Variants in PRKAR1A observed in about 807,000 individuals in gnomAD.
The protein encoded by PRKAR1A is cAMP-dependent protein kinase type I-alpha regulatory subunit.
Under a neutral mutation model 52.0 loss-of-function variants are expected in PRKAR1A, and 3 were observed. The observed-to-expected ratio is 0.06, with a 90% CI of 0.03 to 0.15. The LOEUF (loss-of-function observed/expected upper bound fraction) is 0.15, where lower values mean the gene tolerates loss of function less well. PRKAR1A is among the 10% of genes least tolerant of loss of function. The pLI is 1.00. For synonymous variants in PRKAR1A, 188 were observed against 168.4 expected (o/e 1.12, Z -0.90); for missense variants, 240 against 477.4 (o/e 0.50, Z 4.63).
chr17:68,544,936 A>G (rs560627086), intron 11 of PRKAR1A, among the ~76,000 whole-genome samples: 2 of 152,342 alleles, frequency 1.3e-5, no homozygotes, highest in East Asian at 3.9e-4. Flanking sequence ...ACTTTAGATC[A>G]GTGCTTCTCA....
At position 68,523,995 on chromosome 17, in the gene PRKAR1A, G is replaced by T. The variant is rs376379345; in HGVS notation, c.441-21G>T. ...GGAAGAGACATGTGAAATGTAACAC[G>T]AGGCCTTCTCTCTTTTGCAGTGATA... On this transcript the variant is annotated intron_variant, in intron 4 of 10. Coordinates refer to ENST00000589228, the MANE Select transcript of PRKAR1A (RefSeq NM_002734.5). 2.8e-5 allele frequency: 45 copies of T among 1,613,342 alleles called. No homozygotes were observed. The African/African-American group carries it at 3.9e-4, about 14-fold the overall frequency.
At chr17:68,515,310 G>A in intron 1 of PRKAR1A, 84 bp from the exon 2 acceptor site, 1 of 1,491,324 alleles carries the variant, frequency 6.7e-7, no homozygotes, top group South Asian at 1.2e-5. Flanking sequence ...TGAATCAGTT[G>A]TCTAATGAAT....
At chr17:68,471,590 C>T in the PRKAR1A span, among the ~76,000 whole-genome samples, 69 of 152,186 alleles carry the variant, frequency 4.5e-4, no homozygotes, top group Admixed American at 1.4e-3. Flanking sequence ...CTTTCCGTTC[C>T]GTCTCTCTCT....
At chr17:68,462,402 G>A in the PRKAR1A span, among the ~76,000 whole-genome samples, 1 of 152,174 alleles carries the variant, frequency 6.6e-6, no homozygotes, top group East Asian at 1.9e-4. Context: ...TCTTCGCACT[G>A]GTCAAGAACA....
chr17:68,443,967 T>C, the PRKAR1A span, among the ~76,000 whole-genome samples: 1 of 152,214 alleles, frequency 6.6e-6, no homozygotes, highest in Non-Finnish European at 1.5e-5. Flanking sequence ...CAGGAATGTA[T>C]TAAATAGTGT....
In PRKAR1A at chr17:68,524,815, CA is replaced by C. The variant is rs1213775935; in HGVS notation, c.503-96del. 14 of 932,126 alleles carry C rather than the reference CA, an allele frequency of 1.5e-5. No individual in the cohort carries two copies. In the Admixed American group the frequency reaches 1.5e-4, roughly 10 times the overall value. 57.7% of individuals were successfully genotyped at this position (932,126 alleles called of 1,614,324 possible). The stretch of plus-strand genomic sequence containing the variant: ...TGTGTTAGTTTGTAACACACTCTCA[CA>C]GTACCACTGTAAAATAAGTTTATTG... On this transcript the variant is annotated intron_variant, in intron 5 of 10. Transcript: ENST00000589228.
chr17:68,550,527 C>G (rs916499447), intron 11 of PRKAR1A, among the ~76,000 whole-genome samples: 1 of 151,946 alleles, frequency 6.6e-6, no homozygotes, highest in Admixed American at 6.6e-5. Flanking sequence ...ACTGCATACA[C>G]GCACCACCAT....
chr17:68,474,161 T>C, the PRKAR1A span, among the ~76,000 whole-genome samples: 14 of 152,238 alleles, frequency 9.2e-5, no homozygotes, highest in African/African-American at 3.4e-4. Context: ...TTCATGTGTA[T>C]TATACATAGC....
At chr17:68,462,710 G>A in the PRKAR1A span, among the ~76,000 whole-genome samples, 26 of 152,134 alleles carry the variant, frequency 1.7e-4, no homozygotes, top group Non-Finnish European at 2.6e-4. Context: ...TGCCTGTCAC[G>A]CTGTCTCTTG....
chr17:68,548,923 G>A (rs562063258), intron 11 of PRKAR1A, among the ~76,000 whole-genome samples: 9 of 151,542 alleles, frequency 5.9e-5, no homozygotes, highest in East Asian at 2.0e-4. Context: ...TAGTAGAGAC[G>A]GGGTTTCACC....
the PRKAR1A span, among the ~76,000 whole-genome samples, chr17:68,418,009 C>T: frequency 2.0e-5 from 3 of 152,112 alleles, no homozygotes; most frequent in African/African-American, 4.8e-5. Context: ...GGATTACAGG[C>T]GTGAGCCACC....
At chr17:68,457,829 A>G in the PRKAR1A span, among the ~76,000 whole-genome samples, 1 of 152,186 alleles carries the variant, frequency 6.6e-6, no homozygotes, top group African/African-American at 2.4e-5. Flanking sequence ...AAGGCGCGTG[A>G]CGCAAAGGCA....
the PRKAR1A span, chr17:68,428,480 G>A: frequency 8.7e-5 from 18 of 206,640 alleles, no homozygotes; most frequent in South Asian, 6.1e-4. Context: ...CCATCCACCC[G>A]CTTCGGCCTC....
intron 4 of PRKAR1A, 31 bp from the exon 5 acceptor site, chr17:68,523,985 A>C: frequency 6.2e-7 from 1 of 1,612,330 alleles, no homozygotes; most frequent in Non-Finnish European, 8.5e-7. Flanking sequence ...AGACATGTGA[A>C]ATGTAACACG....
At chr17:68,502,755 G>GAAAA in the PRKAR1A span, among the ~76,000 whole-genome samples, 2 of 86,310 alleles carry the variant, frequency 2.3e-5, no homozygotes, top group Non-Finnish European at 4.5e-5. Flanking sequence ...TTCATCTCAG[G>GAAAA]AAAAAAAAAA....
chr17:68,532,584 T>A lies in PRKAR1A; in HGVS notation c.*2135T>A, dbSNP rs1446333960. The A allele has an allele frequency of 9.4e-7, 1 of 1,066,122 alleles. No homozygotes were observed. The highest frequency in any genetic ancestry group is 5.3e-5 in the Admixed American group (1 of 18,760). The allele number at this position is 1,066,122 out of a possible 1,614,324, so 66.0% of individuals were successfully genotyped here. A position where few individuals can be genotyped will look rare whatever the true frequency, so the allele number is the denominator to read the frequency against. The stretch of plus-strand genomic sequence containing the variant: ...TCAAGGCTTTAAAAGTCATTATTCC[T>A]GGGCTTGGTAAGTGAATTTATGAGA... On this transcript the variant is annotated 3_prime_UTR_variant, in exon 11 of 11. Transcript: ENST00000589228.
chr17:68,466,057 C>T, the PRKAR1A span, among the ~76,000 whole-genome samples: 1 of 152,086 alleles, frequency 6.6e-6, no homozygotes, highest in Admixed American at 6.6e-5. Flanking sequence ...ACTTGGGTTT[C>T]CCCTGACCTT....
At chr17:68,446,066 G>A in the PRKAR1A span, among the ~76,000 whole-genome samples, 1 of 152,196 alleles carries the variant, frequency 6.6e-6, no homozygotes, top group African/African-American at 2.4e-5. Flanking sequence ...AAAAGAGGCA[G>A]GCTCTGCTCC....
the PRKAR1A span, among the ~76,000 whole-genome samples, chr17:68,456,650 C>G: frequency 6.6e-6 from 1 of 152,174 alleles, no homozygotes; most frequent in African/African-American, 2.4e-5. Flanking sequence ...CTCCTGTTTC[C>G]TGGAGAGAAA....
Sources: allele counts gnomAD v4.1 joint callset (sites outside exome capture counted in the v4.1 genomes callset), GRCh38; gene constraint gnomAD v4.1.1; transcripts MANE v1.5; gene names NCBI Gene and HGNC (gene_info 2026-07-23, HGNC 2026-07-21).